LDHC: variants seen among roughly 807,000 people sequenced by gnomAD.
LDHC encodes lactate dehydrogenase C.
Under a neutral mutation model 30.2 loss-of-function variants are expected in LDHC, and 20 were observed. The ratio of observed to expected loss-of-function variants is 0.66; its 90% CI spans 0.47 to 0.96. The LOEUF is 0.96. Ranked by LOEUF, LDHC falls within the 40% of genes least tolerant of loss-of-function variation. The probability of loss-of-function intolerance (pLI) is 0.00; values close to 1 mark genes in which losing one functional copy is unlikely to be tolerated. For synonymous variants in LDHC, 139 were observed against 132.7 expected (o/e 1.05, Z -0.32); for missense variants, 362 against 394.9 (o/e 0.92, Z 0.71).
chr11:18,437,723 G>C (rs534660756), intron 5 of LDHC, among the ~76,000 whole-genome samples: 132 of 141,728 alleles, frequency 9.3e-4, no homozygotes, highest in African/African-American at 3.2e-3. Context: ...CTGCACTCTA[G>C]CCTGGGCGAC....
In LDHC at chr11:18,412,664, A is replaced by G. The variant is rs145167625; in HGVS notation, c.-9-45A>G. The G allele has an allele frequency of 1.8e-4, 287 of 1,555,874 alleles. 1 individual carries two copies. The African/African-American group carries it at 3.2e-3, about 17-fold the overall frequency. Reference sequence around the variant, plus strand: ...GCAAACTGAAGAGGTAGTTTCTTAGATGTTCAGTGTGGTTAATCCAATGAA... The same window carrying G: ...GCAAACTGAAGAGGTAGTTTCTTAGGTGTTCAGTGTGGTTAATCCAATGAA... On this transcript the variant is annotated intron_variant, in intron 1 of 7. Coordinates refer to ENST00000541669, the MANE Select transcript of LDHC (RefSeq NM_017448.5).
At position 18,450,652 on chromosome 11, in the gene LDHC, T is replaced by C. The variant is rs377434498; in HGVS notation, c.835-311T>C. 18 of 224,526 alleles carry C rather than the reference T, an allele frequency of 8.0e-5. No homozygotes were observed. In the East Asian group the frequency reaches 1.5e-3, roughly 18 times the overall value. The allele number at this position is 224,526 out of a possible 1,614,324, so 13.9% of individuals were successfully genotyped here. A position where few individuals can be genotyped will look rare whatever the true frequency, so the allele number is the denominator to read the frequency against. On this transcript the variant is annotated intron_variant, in intron 7 of 7. Coordinates refer to ENST00000541669, the MANE Select transcript of LDHC (RefSeq NM_017448.5). Reference sequence around the variant, plus strand: ...TCTCATAGTACTCCTTTTGATAAAATGGCATCATGAAAGACCGCATGGCAT... The same window carrying C: ...TCTCATAGTACTCCTTTTGATAAAACGGCATCATGAAAGACCGCATGGCAT...
chr11:18,432,661 T>A (rs1311735107), intron 4 of LDHC, among the ~76,000 whole-genome samples: 2 of 152,238 alleles, frequency 1.3e-5, no homozygotes, highest in African/African-American at 4.8e-5. Flanking sequence ...GGTGCATATA[T>A]GTTTAGGACT....
intron 3 of LDHC, among the ~76,000 whole-genome samples, chr11:18,427,468 C>T (rs1848181137): frequency 1.3e-5 from 2 of 152,158 alleles, no homozygotes; most frequent in South Asian, 2.1e-4. Context: ...CATGGTTACA[C>T]AGCTAGTAAG....
At chr11:18,437,569 A>G (rs112345798) in intron 5 of LDHC, among the ~76,000 whole-genome samples, 23,246 of 151,910 alleles carry the variant, frequency 0.15, 2,003 homozygotes, top group African/African-American at 0.23. Flanking sequence ...TGGCTAACAC[A>G]GTGAAAACCC....
At chr11:18,445,341 A>G (rs1399544926) in intron 6 of LDHC, among the ~76,000 whole-genome samples, 2 of 151,898 alleles carry the variant, frequency 1.3e-5, no homozygotes, top group African/African-American at 4.8e-5. Flanking sequence ...GGCATATACC[A>G]CCACACCTGG....
At chr11:18,447,281 C>T (rs1380023856) in intron 7 of LDHC, among the ~76,000 whole-genome samples, 4 of 151,840 alleles carry the variant, frequency 2.6e-5, no homozygotes, top group Admixed American at 6.6e-5. Context: ...CTATAGGCAC[C>T]CACCACCACA....
At chr11:18,448,682 C>G (rs1188472551) in intron 7 of LDHC, among the ~76,000 whole-genome samples, 1 of 151,584 alleles carries the variant, frequency 6.6e-6, no homozygotes, top group Non-Finnish European at 1.5e-5. Flanking sequence ...TTCACTTTTA[C>G]TACTTCACAT....
intron 7 of LDHC, among the ~76,000 whole-genome samples, chr11:18,448,585 G>A (rs982644164): frequency 6.6e-6 from 1 of 152,244 alleles, no homozygotes; most frequent in South Asian, 2.1e-4. Flanking sequence ...GCCCTGCTGA[G>A]TTATATTTTA....
chr11:18,441,549 C>A (rs1201317020), intron 6 of LDHC, among the ~76,000 whole-genome samples: 2 of 150,596 alleles, frequency 1.3e-5, no homozygotes, highest in African/African-American at 2.4e-5. Context: ...TCATGATCTG[C>A]CCACCTTGGC....
intron 4 of LDHC, among the ~76,000 whole-genome samples, chr11:18,431,469 T>A (rs1848263283): frequency 6.6e-6 from 1 of 152,040 alleles, no homozygotes; most frequent in Non-Finnish European, 1.5e-5. Flanking sequence ...TCTCAAAAAA[T>A]AAAAATAAAA....
intron 4 of LDHC, among the ~76,000 whole-genome samples, chr11:18,433,201 C>A (rs1848298516): frequency 6.6e-6 from 1 of 152,070 alleles, no homozygotes; most frequent in Admixed American, 6.6e-5. Flanking sequence ...GCCTGCCCAA[C>A]ATAGTGAAAC....
chr11:18,446,090 A>G (rs1000030420), intron 6 of LDHC, 120 bp from the exon 7 acceptor site: 5 of 810,108 alleles, frequency 6.2e-6, no homozygotes, highest in Admixed American at 5.1e-5. Context: ...AATCTATGGG[A>G]AAATTCTAAT....
intron 5 of LDHC, among the ~76,000 whole-genome samples, chr11:18,435,766 C>T (rs1848345431): frequency 6.6e-6 from 1 of 152,170 alleles, no homozygotes; most frequent in Non-Finnish European, 1.5e-5. Context: ...GCATCTTTTT[C>T]CCCTACCCTA....
intron 6 of LDHC, among the ~76,000 whole-genome samples, chr11:18,443,349 T>C (rs1848498113): frequency 6.6e-6 from 1 of 152,150 alleles, no homozygotes; most frequent in African/African-American, 2.4e-5. Flanking sequence ...TTTCCAAGTG[T>C]TATGGAGCAG....
intron 3 of LDHC, among the ~76,000 whole-genome samples, chr11:18,417,323 T>G (rs1400918968): frequency 6.6e-6 from 1 of 152,230 alleles, no homozygotes; most frequent in Non-Finnish European, 1.5e-5. Flanking sequence ...AATGATCATT[T>G]AGATTGCTTT....
chr11:18,448,577 C>T (rs1565059251), intron 7 of LDHC, among the ~76,000 whole-genome samples: 1 of 152,160 alleles, frequency 6.6e-6, no homozygotes, highest in Non-Finnish European at 1.5e-5. Context: ...GCCACCGCGC[C>T]CTGCTGAGTT....
chr11:18,446,372 T>C (rs775256013), intron 7 of LDHC, 39 bp downstream of exon 7: 2 of 1,409,822 alleles, frequency 1.4e-6, no homozygotes, highest in Non-Finnish European at 2.0e-6. Context: ...ATTCTTTCCT[T>C]TAATATTTAT....
chr11:18,412,881 G>A lies in LDHC; in HGVS notation c.126+38G>A, dbSNP rs1438564034. ...CCCATCCTGTGGCTGAAAATCAAGT[G>A]AGCACTTCAGAGTGTTGTATATGTC... On this transcript the variant is annotated intron_variant, in intron 2 of 7. Coordinates refer to ENST00000541669, the MANE Select transcript of LDHC (RefSeq NM_017448.5). 1.9e-6 allele frequency: 3 copies of A among 1,596,466 alleles called. No homozygotes were observed. The South Asian group carries it at 3.4e-5, about 18-fold the overall frequency.
Sources: allele counts gnomAD v4.1 joint callset (sites outside exome capture counted in the v4.1 genomes callset), GRCh38; gene constraint gnomAD v4.1.1; transcripts MANE v1.5; gene names NCBI Gene and HGNC (gene_info 2026-07-23, HGNC 2026-07-21).